PEX5L: variants seen among roughly 807,000 people sequenced by gnomAD.
The protein encoded by PEX5L is PEX5-related protein.
PEX5L carries 30 observed loss-of-function variants against 84.0 expected under a neutral mutation model. The observed-to-expected ratio is 0.36, with a 90% CI of 0.27 to 0.48. PEX5L has a LOEUF of 0.48. Among genes scored for constraint, PEX5L ranks in the 20% least tolerant of loss-of-function variants. The pLI, the probability that PEX5L is intolerant of heterozygous loss-of-function variation, is 0.99. For synonymous variants in PEX5L, 270 were observed against 283.1 expected (o/e 0.95, Z 0.46); for missense variants, 533 against 754.6 (o/e 0.71, Z 3.44).
chr3:179,874,084 T>A (rs6443677), intron 7 of PEX5L, among the ~76,000 whole-genome samples: 42,028 of 151,782 alleles, frequency 0.28, 6,420 homozygotes, highest in East Asian at 0.6. Flanking sequence ...AAGTGCTAAG[T>A]ACACAGTGAA....
At chr3:179,972,463 G>C (rs1785014655) in intron 1 of PEX5L, among the ~76,000 whole-genome samples, 1 of 151,638 alleles carries the variant, frequency 6.6e-6, no homozygotes, top group African/African-American at 2.4e-5. Context: ...TTCTCCCAAC[G>C]CAACGGTTGA....
intron 2 of PEX5L, among the ~76,000 whole-genome samples, chr3:179,911,726 T>C (rs7636571): frequency 0.45 from 68,033 of 151,946 alleles, 15,448 homozygotes; most frequent in South Asian, 0.6. Flanking sequence ...CTGGATCTGG[T>C]CCATTATAGT....
chr3:179,980,494 C>T (rs948395212), intron 1 of PEX5L, among the ~76,000 whole-genome samples: 10 of 152,112 alleles, frequency 6.6e-5, no homozygotes, highest in African/African-American at 1.4e-4. Flanking sequence ...TGTCATTTCT[C>T]GATCAGTCTC....
chr3:179,952,324 AT>A (rs889169019), intron 2 of PEX5L, among the ~76,000 whole-genome samples: 32 of 151,074 alleles, frequency 2.1e-4, no homozygotes, highest in East Asian at 1.9e-3. Flanking sequence ...ATATTTTTGG[AT>A]TTTTTTTTTA....
intron 1 of PEX5L, among the ~76,000 whole-genome samples, chr3:179,974,752 A>C (rs953469331): frequency 6.6e-6 from 1 of 152,176 alleles, no homozygotes; most frequent in East Asian, 1.9e-4. Flanking sequence ...CATTGAGCCT[A>C]ACTGGTAATC....
At chr3:179,988,247 A>G (rs1321597961) in intron 1 of PEX5L, among the ~76,000 whole-genome samples, 1 of 152,044 alleles carries the variant, frequency 6.6e-6, no homozygotes, top group Non-Finnish European at 1.5e-5. Flanking sequence ...TAAAAATACA[A>G]AAAATTAGCC....
intron 8 of PEX5L, among the ~76,000 whole-genome samples, chr3:179,858,166 A>G (rs181931626): frequency 1.3e-4 from 20 of 152,346 alleles, no homozygotes; most frequent in African/African-American, 4.3e-4. Context: ...CAAGTCATAT[A>G]AATGAACCAT....
At chr3:179,876,590 G>GA (rs1405277576) in intron 5 of PEX5L, among the ~76,000 whole-genome samples, 1 of 151,458 alleles carries the variant, frequency 6.6e-6, no homozygotes, top group Non-Finnish European at 1.5e-5. Flanking sequence ...ATAACAAATT[G>GA]ACCACTTAAA....
chr3:179,866,466 G>T (rs1748193650), intron 7 of PEX5L, among the ~76,000 whole-genome samples: 1 of 152,136 alleles, frequency 6.6e-6, no homozygotes, highest in Admixed American at 6.5e-5. Context: ...AAAGCATACG[G>T]TCACATGTTG....
At position 179,880,092 on chromosome 3, in the gene PEX5L, C is replaced by A; in HGVS notation, c.342G>T (p.Leu114=). The part of the protein sequence containing the change: ...VLTTGLDLLD[L]SEPVSQTQTK... ...TTTGGGTTTGAGAGACTGGTTCACTCAGGTCGAGGAGATCTAAGCCAGTGG... is the reference window on the plus strand; with the variant it reads ...TTTGGGTTTGAGAGACTGGTTCACTAAGGTCGAGGAGATCTAAGCCAGTGG... Residue 114 remains leucine, a synonymous_variant, in exon 5 of 15, where the codon CTG becomes CTT. Coordinates refer to ENST00000467460, the MANE Select transcript of PEX5L (RefSeq NM_016559.3). 1.2e-6 allele frequency: 2 copies of A among 1,612,428 alleles called. No homozygotes were observed. Among genetic ancestry groups the A allele is most frequent in the Middle Eastern group, 1.7e-4 (1 of 6,048 alleles).
chr3:179,846,433 A>G (rs1378432874), intron 8 of PEX5L, among the ~76,000 whole-genome samples: 1 of 152,146 alleles, frequency 6.6e-6, no homozygotes, highest in Non-Finnish European at 1.5e-5. Context: ...ACTAGAACTT[A>G]TTCTATCTTA....
At chr3:179,926,274 C>T (rs572235724) in intron 2 of PEX5L, among the ~76,000 whole-genome samples, 24 of 152,256 alleles carry the variant, frequency 1.6e-4, no homozygotes, top group African/African-American at 5.8e-4. Flanking sequence ...CCTTAACAAC[C>T]AGAGGAAAAG....
chr3:180,032,894 T>A (rs1245088169), intron 1 of PEX5L, among the ~76,000 whole-genome samples: 9 of 152,114 alleles, frequency 5.9e-5, no homozygotes, highest in Non-Finnish European at 1.3e-4. Context: ...AAAAAGTGGA[T>A]CTGTTAGAGA....
chr3:179,895,535 G>A (rs989174816), intron 3 of PEX5L: 8 of 152,102 alleles, frequency 5.3e-5, no homozygotes, highest in African/African-American at 1.7e-4. Context: ...AATATGGAAT[G>A]AATGATTATT....
At chr3:179,885,815 CG>C (rs746348132) in intron 4 of PEX5L, among the ~76,000 whole-genome samples, 100 of 152,152 alleles carry the variant, frequency 6.6e-4, no homozygotes, top group Non-Finnish European at 1.2e-3. Flanking sequence ...TCACTAAGCA[CG>C]TTCATGGGGT....
At position 179,975,256 on chromosome 3, in the gene PEX5L, G is replaced by C. The variant is rs143860669; in HGVS notation, c.22-3591C>G. On this transcript the variant is annotated intron_variant, in intron 1 of 14. Transcript: ENST00000467460. ...CACAGATATGGGATGTATCATATAG[G>C]AACATTTTGCAAGTAAGTAACACAA... Among the ~76,000 whole-genome samples, 7 of 152,206 alleles carry C rather than the reference G, an allele frequency of 4.6e-5. No individual in the cohort carries two copies. In the East Asian group the frequency reaches 1.4e-3, roughly 29 times the overall value.
intron 2 of PEX5L, among the ~76,000 whole-genome samples, chr3:179,937,791 A>G (rs963502930): frequency 1.3e-5 from 2 of 152,192 alleles, no homozygotes; most frequent in Non-Finnish European, 2.9e-5. Flanking sequence ...ACTACCCAAT[A>G]TTAACCAGGT....
rs1359941701 is a variant in PEX5L, at chr3:180,036,822, G to A, written c.-223C>T. ...CGGGGTGCTGAAAGCGGACGCGGGA[G>A]AGCGCGCAGAGAAGGCGAGGAGCCG... On this transcript the variant is annotated 5_prime_UTR_variant, in exon 1 of 15. Transcript: ENST00000467460. The A allele has an allele frequency of 2.6e-5, 15 of 574,602 alleles. No individual in the cohort carries two copies. The Admixed American group carries it at 4.5e-4, about 17-fold the overall frequency. 35.6% of individuals were successfully genotyped at this position (574,602 alleles called of 1,614,324 possible).
intron 1 of PEX5L, among the ~76,000 whole-genome samples, chr3:179,980,083 C>T (rs1328092281): frequency 2.6e-5 from 4 of 152,160 alleles, no homozygotes; most frequent in South Asian, 2.1e-4. Flanking sequence ...ACTTAATTTT[C>T]CCTCGATGTT....
Sources: allele counts gnomAD v4.1 joint callset (sites outside exome capture counted in the v4.1 genomes callset), GRCh38; gene constraint gnomAD v4.1.1; transcripts MANE v1.5; gene names NCBI Gene and HGNC (gene_info 2026-07-23, HGNC 2026-07-21).